Variants in NLRP2 observed in about 807,000 individuals in gnomAD.
The protein encoded by NLRP2 is NLR family pyrin domain containing 2, also known as NACHT, LRR and PYD domains-containing protein 2.
NLRP2 carries 107 observed loss-of-function variants against 97.2 expected under a neutral mutation model. That is an observed-to-expected ratio of 1.10 (90% CI 0.94 to 1.29). The LOEUF is 1.29. Ranked by LOEUF, NLRP2 falls within the 50% of genes most tolerant of loss-of-function variation. The pLI, the probability that NLRP2 is intolerant of heterozygous loss-of-function variation, is 0.00. For missense variants in NLRP2, 1,495 were observed against 1,330.3 expected (o/e 1.12, Z -1.93); for synonymous variants, 663 against 551.5 (o/e 1.20, Z -2.83).
chr19:54,994,478 C>T, intron 11 of NLRP2, 39 bp downstream of exon 11: 3 of 1,599,220 alleles, frequency 1.9e-6, no homozygotes, highest in African/African-American at 2.7e-5. Context: ...ATACTTACAC[C>T]TTACTGAATC....
chr19:54,973,909 T>C, intron 2 of NLRP2: 1 of 704,130 alleles, frequency 1.4e-6, no homozygotes, highest in East Asian at 3.4e-5. Context: ...ATTCTTGGTA[T>C]GCCCAGGGGA....
At chr19:54,987,868 C>T (rs938596297) in intron 8 of NLRP2, among the ~76,000 whole-genome samples, 7 of 152,156 alleles carry the variant, frequency 4.6e-5, no homozygotes, top group Non-Finnish European at 8.8e-5. Flanking sequence ...TGGTGAAACC[C>T]CACGTCTACT....
At chr19:54,990,793 A>G in intron 10 of NLRP2, 121 bp downstream of exon 10, 7 of 1,015,902 alleles carry the variant, frequency 6.9e-6, no homozygotes, top group Non-Finnish European at 1.1e-5. Context: ...CATGATGCTA[A>G]TGACAACTGG....
rs1298768910 is a variant in NLRP2, at chr19:54,981,599, T to C, written c.398-18T>C. On this transcript the variant is annotated intron_variant, in intron 4 of 12. Coordinates refer to ENST00000448584, the MANE Select transcript of NLRP2 (RefSeq NM_017852.5). ...CACCTGATTTTGTGTCAATCTCACA[T>C]GAGTTTGTATTTTGTAGCGTTTACA... 7.7e-7 allele frequency: 1 copy of C among 1,299,310 alleles called. No homozygotes were observed. The allele number at this position is 1,299,310 out of a possible 1,614,324, so 80.5% of individuals were successfully genotyped here. A position where few individuals can be genotyped will look rare whatever the true frequency, so the allele number is the denominator to read the frequency against.
chr19:54,970,038 G>A lies in NLRP2; in HGVS notation c.23G>A (p.Gly8Asp). The A allele has an allele frequency of 6.2e-7, 1 of 1,613,846 alleles. No homozygotes were observed. Among genetic ancestry groups the A allele is most frequent in the Non-Finnish European group, 8.5e-7 (1 of 1,180,000 alleles). Residue 8 changes from glycine to aspartate, a missense_variant, in exon 2 of 13, where the codon GGC becomes GAC. Physicochemically the swap from Gly to Asp is moderately conservative, Grantham distance 94 (BLOSUM62 -1). Coordinates refer to ENST00000448584, the MANE Select transcript of NLRP2 (RefSeq NM_017852.5). ...AAGATGGTGTCTTCGGCGCAGATGG[G>A]CTTCAACCTGCAGGCTCTCCTGGAG... MVSSAQM[G>D]FNLQALLEQL...
chr19:54,979,320 A>G (rs939888546), intron 4 of NLRP2, among the ~76,000 whole-genome samples: 8 of 151,646 alleles, frequency 5.3e-5, no homozygotes, highest in Non-Finnish European at 7.4e-5. Context: ...CTTACTCCAC[A>G]TTCCCTCTTA....
chr19:54,986,299 A>C lies in NLRP2; in HGVS notation c.2350A>C (p.Asn784His). The change falls in exon 8 of 13, where the codon AAC (asparagine) becomes CAC (histidine). Residue 784 changes from asparagine (N) to histidine (H), a missense_variant. Asn to His is a moderately conservative substitution (Grantham distance 68, BLOSUM62 1). Transcript: ENST00000448584. ...LCEVLRHPECNLRYLGLVSCS... is the reference protein window; with the variant it reads ...LCEVLRHPECHLRYLGLVSCS... ...TGAGGTCTTGAGACATCCAGAATGT[A>C]ACCTGCGATATCTCGGGTATATCTC... 6.2e-7 allele frequency: 1 copy of C among 1,613,872 alleles called. No individual in the cohort carries two copies. Among genetic ancestry groups the C allele is most frequent in the Non-Finnish European group, 8.5e-7 (1 of 1,179,776 alleles).
In NLRP2 at chr19:54,995,185, C is replaced by CT. The variant is rs1480876419; in HGVS notation, c.2879+747dup. Among the ~76,000 whole-genome samples, 6 of 118,382 alleles carry CT rather than the reference C, an allele frequency of 5.1e-5. No homozygotes were observed. In the East Asian group the frequency reaches 1.2e-3, roughly 24 times the overall value. 77.7% of individuals were successfully genotyped at this position (118,382 alleles called of 152,430 possible). Reference sequence around the variant, plus strand: ...ATTAGCCGAGCATAGTAGTGGGTGCCTCTTTTTTTTTTTTTTTTTTTTTTG... The same window carrying CT: ...ATTAGCCGAGCATAGTAGTGGGTGCCTTCTTTTTTTTTTTTTTTTTTTTTTG... On this transcript the variant is annotated intron_variant, in intron 11 of 12. Transcript: ENST00000448584.
chr19:55,000,678 AAC>A (rs2073137418), intron 12 of NLRP2, 80 bp from the exon 13 acceptor site: 1 of 1,470,572 alleles, frequency 6.8e-7, no homozygotes, highest in African/African-American at 1.4e-5. Context: ...GTGCCTCCTT[AAC>A]AGACTTTCAG....
At chr19:55,000,094 C>G (rs572817141) in intron 12 of NLRP2, among the ~76,000 whole-genome samples, 3 of 151,644 alleles carry the variant, frequency 2.0e-5, no homozygotes, top group African/African-American at 7.3e-5. Flanking sequence ...GTTTAGGCAA[C>G]ATGGTAAAAC....
At chr19:54,988,013 C>T (rs2072212221) in intron 8 of NLRP2, among the ~76,000 whole-genome samples, 2 of 152,154 alleles carry the variant, frequency 1.3e-5, no homozygotes, top group Non-Finnish European at 2.9e-5. Context: ...CATTGCACTC[C>T]AGCCTGGGCA....
At chr19:54,981,704 A>T in intron 5 of NLRP2, 22 bp downstream of exon 5, 1 of 1,311,964 alleles carries the variant, frequency 7.6e-7, no homozygotes. Context: ...ATCTTCCTGC[A>T]GGGAGCTTGG....
intron 1 of NLRP2, among the ~76,000 whole-genome samples, chr19:54,966,825 C>CTTTT (rs1044701142): frequency 2.7e-5 from 2 of 74,988 alleles, no homozygotes; most frequent in Non-Finnish European, 4.8e-5. Context: ...CGCGCCCAGC[C>CTTTT]TTTTTTTTTT....
In NLRP2 at chr19:54,990,778, C is replaced by G. The variant is rs1397196609; in HGVS notation, c.2708+106C>G. 1.8e-5 allele frequency: 21 copies of G among 1,194,546 alleles called. 1 individual carries two copies. The South Asian group carries it at 2.5e-4, about 14-fold the overall frequency. The allele number at this position is 1,194,546 out of a possible 1,614,324, so 74.0% of individuals were successfully genotyped here. ...AGAACACTTAATTCCTCTAAAAGTT[C>G]CAAGCATGATGCTAATGACAACTGG... On this transcript the variant is annotated intron_variant, in intron 10 of 12. Coordinates refer to ENST00000448584, the MANE Select transcript of NLRP2 (RefSeq NM_017852.5).
rs1374447535 is a variant in NLRP2 at position 54,990,696 on chromosome 19, G to T, written c.2708+24G>T. 3.1e-6 allele frequency: 5 copies of T among 1,613,802 alleles called. No homozygotes were observed. The Admixed American group carries it at 8.3e-5, about 27-fold the overall frequency. On this transcript the variant is annotated intron_variant, in intron 10 of 12. Transcript: ENST00000448584. ...GTGTAAGTCCGTGCTGGCTGCCTGTGTGCGTGGGTGTATATGCACACGCCC... is the reference window on the plus strand; with the variant it reads ...GTGTAAGTCCGTGCTGGCTGCCTGTTTGCGTGGGTGTATATGCACACGCCC...
At chr19:54,987,739 C>CAAA (rs146853071) in intron 8 of NLRP2, among the ~76,000 whole-genome samples, 2,888 of 120,158 alleles carry the variant, frequency 0.024, 31 homozygotes, top group East Asian at 0.035. Flanking sequence ...GAGACTGTCT[C>CAAA]AAAAAAAAAA....
rs765706569 is a variant in NLRP2, at chr19:54,982,198, A to G, written c.500A>G (p.Lys167Arg). The change falls in exon 6 of 13, where the codon AAG becomes AGG. Residue 167 changes from lysine (K) to arginine (R), a missense_variant. By Grantham distance (26) the Lys-to-Arg change is conservative (BLOSUM62 2). Transcript: ENST00000448584. ...DNRCRYILKT[K>R]FREMWKSWPG... ...AGGTGCAGGTATATATTGAAGACGA[A>G]GTTCCGGGAGATGTGGAAGAGCTGG... The G allele has an allele frequency of 1.9e-6, 3 of 1,614,168 alleles. No individual in the cohort carries two copies. Among genetic ancestry groups the G allele is most frequent in the Non-Finnish European group, 2.5e-6 (3 of 1,180,044 alleles).
chr19:54,966,594 G>A (rs1178606370), intron 1 of NLRP2, 127 bp downstream of exon 1: 1 of 152,192 alleles, frequency 6.6e-6, no homozygotes, highest in Non-Finnish European at 1.5e-5. Context: ...CGCCCAGGCT[G>A]GAGTGCGGTG....
intron 11 of NLRP2, 120 bp downstream of exon 11, chr19:54,994,559 C>A: frequency 9.8e-7 from 1 of 1,022,330 alleles, no homozygotes; most frequent in South Asian, 1.3e-5. Context: ...TTTATAGAGT[C>A]GATCGAGCAT....
Sources: gnomAD v4.1 joint callset for allele counts (sites outside exome capture counted in the v4.1 genomes callset) on GRCh38, gnomAD v4.1.1 for gene constraint, MANE v1.5 for transcripts, NCBI Gene and HGNC (gene_info 2026-07-23, HGNC 2026-07-21) for gene names.